The following TBC1D16 variants were observed in gnomAD, a reference collection of about 807,000 sequenced individuals.
TBC1D16 encodes CTD-2529O21.1.
A neutral mutation model predicts 74.7 loss-of-function variants in TBC1D16; 58 were observed. The observed-to-expected ratio is 0.78, with a 90% confidence interval of 0.63 to 0.97. The LOEUF is 0.97. Ranked by LOEUF, TBC1D16 falls within the 50% of genes least tolerant of loss-of-function variation. The pLI is 0.00. For missense variants in TBC1D16, 1,014 were observed against 1,079.5 expected, an observed-to-expected ratio of 0.94 and a Z score of 0.85; for synonymous variants, 493 against 474.7, an observed-to-expected ratio of 1.04 and a Z score of -0.50.
chr17:79,938,701 G>C lies in TBC1D16; in HGVS notation c.*2158C>G, dbSNP rs555613203. 1 of 152,420 alleles carries C rather than the reference G, an allele frequency of 6.6e-6. No homozygotes were observed. Among genetic ancestry groups the C allele is most frequent in the East Asian group, 1.9e-4 (1 of 5,188 alleles). The allele number at this position is 152,420 out of a possible 1,614,324, so 9.4% of individuals were successfully genotyped here. On this transcript the variant is annotated 3_prime_UTR_variant, in exon 12 of 12. Coordinates refer to ENST00000310924, the MANE Select transcript of TBC1D16 (RefSeq NM_019020.4). ...TACTGCCACCCGACTGTGCAGAGCG[G>C]ACAATAAAGTGGCAGGCCTGTCCCC...
At position 80,020,184 on chromosome 17, in the gene TBC1D16, C is replaced by T. The variant is rs951127209; in HGVS notation, c.-62-6575G>A. 7.1e-4 allele frequency among the ~76,000 whole-genome samples: 106 copies of T among 149,944 alleles called. 13 individuals are homozygous for T. The highest frequency in any genetic ancestry group is 2.6e-3 in the African/African-American group (104 of 39,352). The stretch of plus-strand genomic sequence containing the variant: ...TGCCGACACCTTGATCTTAGACTTC[C>T]TGCCTCCAGGGCTGTCAGAGAGATT... On this transcript the variant is annotated intron_variant, in intron 1 of 11. Coordinates refer to ENST00000310924, the MANE Select transcript of TBC1D16 (RefSeq NM_019020.4).
chr17:80,024,013 A>C (rs1201846036), intron 1 of TBC1D16: 1 of 147,374 alleles, frequency 6.8e-6, no homozygotes. Flanking sequence ...CAAGCGCAGA[A>C]GGTAAGGACG....
intron 10 of TBC1D16, chr17:79,943,712 G>T: frequency 1.4e-6 from 1 of 696,102 alleles, no homozygotes; most frequent in Non-Finnish European, 1.8e-6. Context: ...CGTCACGTGG[G>T]CCTCCCGCTG....
intron 3 of TBC1D16, among the ~76,000 whole-genome samples, chr17:79,996,460 A>T (rs2035275745): frequency 6.6e-6 from 1 of 152,132 alleles, no homozygotes; most frequent in African/African-American, 2.4e-5. Flanking sequence ...CAGGATGCTT[A>T]AAAAAAATAA....
At chr17:79,946,607 G>A (rs147955222) in intron 9 of TBC1D16, among the ~76,000 whole-genome samples, 47 of 152,308 alleles carry the variant, frequency 3.1e-4, no homozygotes, top group African/African-American at 1.1e-3. Context: ...GTCCTGGGGT[G>A]GGGACCCCAT....
rs944922605 is a variant in TBC1D16 at position 79,961,176 on chromosome 17, C to T, written c.780-8358G>A. 6.6e-5 allele frequency among the ~76,000 whole-genome samples: 10 copies of T among 152,260 alleles called. No homozygotes were observed. The highest frequency in any genetic ancestry group is 4.2e-4 in the South Asian group (2 of 4,818). ...AGGAGCAAACTGCTGATATGCATGACGATATGGAAGCATCTCAGTTGTATT... is the reference window on the plus strand; with the variant it reads ...AGGAGCAAACTGCTGATATGCATGATGATATGGAAGCATCTCAGTTGTATT... On this transcript the variant is annotated intron_variant, in intron 3 of 11. Coordinates refer to ENST00000310924, the MANE Select transcript of TBC1D16 (RefSeq NM_019020.4). The surrounding 1 kb of genome is among the most constrained non-coding windows in gnomAD (Gnocchi z 4.8).
intron 1 of TBC1D16, among the ~76,000 whole-genome samples, chr17:80,019,448 C>CG (rs1268105308): frequency 2.1e-5 from 3 of 140,452 alleles, no homozygotes; most frequent in African/African-American, 5.7e-5. Flanking sequence ...AACCCCCCCC[C>CG]GCCCCTCCCA....
intron 3 of TBC1D16, among the ~76,000 whole-genome samples, chr17:79,953,246 T>G (rs942309930): frequency 1.3e-5 from 2 of 152,322 alleles, no homozygotes; most frequent in South Asian, 4.1e-4. Context: ...CTGGTTGTTT[T>G]GGGATGATTT....
At chr17:80,024,696 TGCCACACAC>T (rs1317562108) in intron 1 of TBC1D16, among the ~76,000 whole-genome samples, 2 of 3,242 alleles carry the variant, frequency 6.2e-4, no homozygotes, top group Non-Finnish European at 1.3e-3. Context: ...TAGACACACA[TGCCACACAC>T]GACACACCAT....
At chr17:79,982,935 T>C (rs150621433) in intron 3 of TBC1D16, among the ~76,000 whole-genome samples, 88 of 152,226 alleles carry the variant, frequency 5.8e-4, no homozygotes, top group African/African-American at 2.1e-3. Context: ...ATAAATAATA[T>C]GACATTGAAC....
At chr17:79,997,860 C>T (rs1281044431) in intron 3 of TBC1D16, among the ~76,000 whole-genome samples, 2 of 152,182 alleles carry the variant, frequency 1.3e-5, no homozygotes, top group African/African-American at 2.4e-5. Flanking sequence ...CGCGGTGGCT[C>T]ACGCCTGTAA....
intron 3 of TBC1D16, among the ~76,000 whole-genome samples, chr17:79,963,959 G>C (rs189103859): frequency 6.6e-6 from 1 of 151,300 alleles, no homozygotes; most frequent in East Asian, 1.9e-4. Context: ...TTGGTTGTTT[G>C]GTTGTTTTTT....
chr17:79,945,689 C>T (rs1250480371), intron 9 of TBC1D16, among the ~76,000 whole-genome samples: 1 of 152,236 alleles, frequency 6.6e-6, no homozygotes, highest in Non-Finnish European at 1.5e-5. Context: ...CTCCAGCATT[C>T]AGTGAGTCAC....
rs754741666 is a variant in TBC1D16, at chr17:79,946,156, C to A, written c.1729-1069G>T. Reference sequence around the variant, plus strand: ...CTAACAGTCAGTCTATAGCAGCGGTCCCCAACCTTTTTGGCACTAGGGACC... The same window carrying A: ...CTAACAGTCAGTCTATAGCAGCGGTACCCAACCTTTTTGGCACTAGGGACC... On this transcript the variant is annotated intron_variant, in intron 9 of 11. Coordinates refer to ENST00000310924, the MANE Select transcript of TBC1D16 (RefSeq NM_019020.4). 2.2e-4 allele frequency among the ~76,000 whole-genome samples: 34 copies of A among 152,362 alleles called. 1 individual carries two copies. Among genetic ancestry groups the A allele is most frequent in the South Asian group, 1.7e-3 (8 of 4,830 alleles).
intron 9 of TBC1D16, among the ~76,000 whole-genome samples, chr17:79,946,206 A>T (rs887256481): frequency 1.3e-5 from 2 of 152,204 alleles, no homozygotes; most frequent in South Asian, 4.1e-4. Context: ...CAATTTTTCC[A>T]CGGACAAGGT....
At position 79,939,496 on chromosome 17, in the gene TBC1D16, A is replaced by C. The variant is rs927291674; in HGVS notation, c.*1363T>G. 2.0e-5 allele frequency: 3 copies of C among 152,200 alleles called. No individual in the cohort carries two copies. Among genetic ancestry groups the C allele is most frequent in the Non-Finnish European group, 4.4e-5 (3 of 68,046 alleles). The allele number at this position is 152,200 out of a possible 1,614,324, so 9.4% of individuals were successfully genotyped here. On this transcript the variant is annotated 3_prime_UTR_variant, in exon 12 of 12. Coordinates refer to ENST00000310924, the MANE Select transcript of TBC1D16 (RefSeq NM_019020.4). Reference sequence around the variant, plus strand: ...GAAGAAGCCTTCTATCCTGGTCCCCATGATGGTTCTCAGCACATCAAGGGT... The same window carrying C: ...GAAGAAGCCTTCTATCCTGGTCCCCCTGATGGTTCTCAGCACATCAAGGGT...
Position 79,994,888 on chromosome 17 carries a change from C to G in TBC1D16, c.779+15272G>C, listed in dbSNP as rs955132606. 6.6e-6 allele frequency among the ~76,000 whole-genome samples: 1 copy of G among 152,210 alleles called. No homozygotes were observed. Among genetic ancestry groups the G allele is most frequent in the Non-Finnish European group, 1.5e-5 (1 of 68,032 alleles). On this transcript the variant is annotated intron_variant, in intron 3 of 11. Transcript: ENST00000310924. The surrounding 1 kb of genome is among the most constrained non-coding windows in gnomAD (Gnocchi z 4.6). Reference sequence around the variant, plus strand: ...AAACAGAGAGAATGTAAAACACTTCCCATCGGCGGCCGTGTATACTGATCC... The same window carrying G: ...AAACAGAGAGAATGTAAAACACTTCGCATCGGCGGCCGTGTATACTGATCC...
At position 80,005,713 on chromosome 17, in the gene TBC1D16, G is replaced by A. The variant is rs533072082; in HGVS notation, c.779+4447C>T. ...GTCGCTGGACTGGGGCCTGGGGCCT[G>A]GGGCTTCCAAAGGAGACCTCTGGGT... On this transcript the variant is annotated intron_variant, in intron 3 of 11. Transcript: ENST00000310924. Among the ~76,000 whole-genome samples the A allele has an allele frequency of 2.0e-5, 3 of 152,254 alleles. No individual in the cohort carries two copies. In the South Asian group the frequency reaches 6.2e-4, roughly 32 times the overall value.
rs1491290219 is a variant in TBC1D16 at position 79,984,619 on chromosome 17, G to GGGAGGGAA, written c.779+25540_779+25541insTTCCCTCC. 5.5e-4 allele frequency among the ~76,000 whole-genome samples: 56 copies of GGGAGGGAA among 102,526 alleles called. 1 individual carries two copies. Among genetic ancestry groups the GGGAGGGAA allele is most frequent in the African/African-American group, 2.0e-3 (49 of 24,462 alleles). 67.3% of individuals were successfully genotyped at this position (102,526 alleles called of 152,430 possible). A position where few individuals can be genotyped will look rare whatever the true frequency, so the allele number is the denominator to read the frequency against. On this transcript the variant is annotated intron_variant, in intron 3 of 11. Transcript: ENST00000310924. ...GAGAAAGAAAAGAGGGAGGGAGGGA[G>GGGAGGGAA]TGAAGGAAGGAAGGAAGGAAGGAAG...
Sources: gnomAD v4.1 joint callset for allele counts (sites outside exome capture counted in the v4.1 genomes callset) on GRCh38, gnomAD v4.1.1 for gene constraint, Gnocchi (gnomAD v3.1) non-coding constraint, MANE v1.5 for transcripts, NCBI Gene and HGNC (gene_info 2026-07-23, HGNC 2026-07-21) for gene names.